The following ACP3 variants were observed in gnomAD, a reference collection of about 807,000 sequenced individuals.
The protein encoded by ACP3 is prostatic acid phosphatase.
In ACP3, 38 loss-of-function variants were observed where a neutral mutation model predicts 45.6. The observed-to-expected ratio is 0.83, with a 90% CI of 0.64 to 1.09. ACP3 has a LOEUF of 1.09. ACP3 is among the 50% of genes least tolerant of loss of function. ACP3 has a pLI of 0.00. For missense variants in ACP3, 466 were observed against 463.2 expected (o/e 1.01, Z -0.05); for synonymous variants, 162 against 164.7 (o/e 0.98, Z 0.13).
chr3:132,331,881 T>C (rs1390050772), intron 3 of ACP3, 148 bp downstream of exon 3: 1 of 831,808 alleles, frequency 1.2e-6, no homozygotes, highest in African/African-American at 1.8e-5. Context: ...TGCAAATTTT[T>C]GTTCCAAAAA....
chr3:132,347,013 CAT>C (rs1271555265), intron 7 of ACP3, among the ~76,000 whole-genome samples: 1 of 152,232 alleles, frequency 6.6e-6, no homozygotes, highest in Non-Finnish European at 1.5e-5. Context: ...CCACTTTCCT[CAT>C]GTTTCCTCTT....
chr3:132,330,942 G>T (rs79272146), intron 2 of ACP3, among the ~76,000 whole-genome samples: 2,929 of 152,272 alleles, frequency 0.019, 55 homozygotes, highest in South Asian at 0.029. Context: ...AACATGCACC[G>T]CTGGATAATT....
At chr3:132,332,120 C>T (rs1937409328) in intron 3 of ACP3, 72 bp from the exon 4 acceptor site, 5 of 1,556,854 alleles carry the variant, frequency 3.2e-6, no homozygotes, top group Admixed American at 1.7e-5. Flanking sequence ...TTCTCTAATA[C>T]CTTGGCAGCT....
intron 6 of ACP3, among the ~76,000 whole-genome samples, chr3:132,344,325 A>G (rs1184458618): frequency 6.6e-6 from 1 of 151,098 alleles, no homozygotes; most frequent in African/African-American, 2.4e-5. Context: ...ATGCACCTAT[A>G]GTCCCAACTA....
chr3:132,331,588 G>T (rs2107798770), intron 2 of ACP3, 59 bp from the exon 3 acceptor site: 2 of 1,344,268 alleles, frequency 1.5e-6, no homozygotes, highest in East Asian at 2.4e-5. Context: ...AAATTTTTAT[G>T]ATAGTGTGAT....
At chr3:132,331,304 T>TCTC (rs1937394265) in intron 2 of ACP3, among the ~76,000 whole-genome samples, 1 of 152,178 alleles carries the variant, frequency 6.6e-6, no homozygotes, top group Admixed American at 6.5e-5. Context: ...ACCAAGTGGG[T>TCTC]CTCTTTGAAT....
At chr3:132,345,381 G>A (rs1937597992) in intron 7 of ACP3, among the ~76,000 whole-genome samples, 2 of 152,162 alleles carry the variant, frequency 1.3e-5, no homozygotes, top group Admixed American at 6.5e-5. Flanking sequence ...GAAAGCTAAA[G>A]CTAAATGATC....
At chr3:132,368,046 T>A (rs1460791329) in exon 11 of ACP3, 4 of 463,412 alleles carry the variant, frequency 8.6e-6, no homozygotes, top group South Asian at 8.5e-5. Context: ...TGCAGGCTGC[T>A]TGTTCAGCTA....
At chr3:132,336,091 T>A (rs1340406586) in intron 4 of ACP3, among the ~76,000 whole-genome samples, 3 of 152,150 alleles carry the variant, frequency 2.0e-5, no homozygotes, top group African/African-American at 7.2e-5. Context: ...AAACCCCGTC[T>A]CTACTAAAAG....
At chr3:132,336,915 CA>C (rs770804071) in intron 4 of ACP3, among the ~76,000 whole-genome samples, 7 of 152,202 alleles carry the variant, frequency 4.6e-5, no homozygotes, top group Non-Finnish European at 7.3e-5. Flanking sequence ...TTTGTCCTCA[CA>C]ACAGGTTTTT....
downstream of ACP3, among the ~76,000 whole-genome samples, chr3:132,361,630 A>G (rs1295864985): frequency 6.6e-6 from 1 of 152,172 alleles, no homozygotes; most frequent in Non-Finnish European, 1.5e-5. Context: ...TGGTAAATGT[A>G]TTCACCCCTA....
At chr3:132,360,129 A>G (rs1184419319), downstream of ACP3, among the ~76,000 whole-genome samples, 2 of 152,286 alleles carry the variant, frequency 1.3e-5, no homozygotes, top group East Asian at 3.9e-4. Context: ...CTGAGGTAAG[A>G]AGTGCCCATT....
In ACP3 at chr3:132,356,913, C is replaced by A; in HGVS notation, c.*35C>A. 1 of 1,581,010 alleles carries A rather than the reference C, an allele frequency of 6.3e-7. No homozygotes were observed. Among genetic ancestry groups the A allele is most frequent in the South Asian group, 1.1e-5 (1 of 87,978 alleles). ...AGATCTCTGTAGAAGGAGTAGCTGC[C>A]CTTTCTCAGGGCAGATGATGCTTTG... On this transcript the variant is annotated 3_prime_UTR_variant, in exon 10 of 10. Coordinates refer to ENST00000336375, the MANE Select transcript of ACP3 (RefSeq NM_001099.5).
intron 9 of ACP3, among the ~76,000 whole-genome samples, chr3:132,353,775 C>A (rs1937814976): frequency 6.6e-6 from 1 of 152,198 alleles, no homozygotes; most frequent in African/African-American, 2.4e-5. Context: ...AATGTTTAAA[C>A]AATGGGCCCT....
chr3:132,323,944 A>C (rs1428223653), intron 1 of ACP3, among the ~76,000 whole-genome samples: 1 of 152,248 alleles, frequency 6.6e-6, no homozygotes, highest in African/African-American at 2.4e-5. Flanking sequence ...TAGGCTGGGC[A>C]CAGTGGCTCA....
At position 132,358,429 on chromosome 3, in the gene ACP3, C is replaced by T; in HGVS notation, c.*1551C>T. 1 of 1,272,626 alleles carries T rather than the reference C, an allele frequency of 7.9e-7. No individual in the cohort carries two copies. Among genetic ancestry groups the T allele is most frequent in the Non-Finnish European group, 1.0e-6 (1 of 979,076 alleles). The allele number at this position is 1,272,626 out of a possible 1,614,324, so 78.8% of individuals were successfully genotyped here. ...AGCAAACTTACAGGTCCTGCTGAAA[C>T]TGCCCACTCTGCAAGAAGAAATCAT... On this transcript the variant is annotated 3_prime_UTR_variant, in exon 10 of 10. Transcript: ENST00000336375.
chr3:132,359,272 G>A (rs958772038), downstream of ACP3, among the ~76,000 whole-genome samples: 7 of 152,274 alleles, frequency 4.6e-5, no homozygotes, highest in Admixed American at 4.6e-4. Context: ...CAGCACTTTG[G>A]GAGGCCAAGG....
intron 10 of ACP3, chr3:132,367,664 G>A: frequency 6.9e-7 from 1 of 1,439,268 alleles, no homozygotes; most frequent in Non-Finnish European, 9.8e-7. Flanking sequence ...TTTTCCTAAT[G>A]CATTAATTTT....
intron 7 of ACP3, among the ~76,000 whole-genome samples, chr3:132,349,159 A>C (rs530121889): frequency 6.6e-6 from 1 of 152,302 alleles, no homozygotes; most frequent in East Asian, 1.9e-4. Context: ...AAGGTACCCC[A>C]CAGCCCTCAG....
Sources: allele counts gnomAD v4.1 joint callset (sites outside exome capture counted in the v4.1 genomes callset), GRCh38; gene constraint gnomAD v4.1.1; transcripts MANE v1.5; gene names NCBI Gene and HGNC (gene_info 2026-07-23, HGNC 2026-07-21).